COL22A1: variants seen among roughly 807,000 people sequenced by gnomAD.
COL22A1 encodes collagen alpha-1(XXII) chain.
In COL22A1, 221 loss-of-function variants were observed where a neutral mutation model predicts 248.9. The ratio of observed to expected loss-of-function variants is 0.89; its 90% CI spans 0.80 to 0.99. The LOEUF (loss-of-function observed/expected upper bound fraction) is 0.99. Among genes scored for constraint, COL22A1 ranks in the 50% least tolerant of loss-of-function variants. COL22A1 has a pLI of 0.00. For missense variants in COL22A1, 2,240 were observed against 2,179.0 expected, an observed-to-expected ratio of 1.03 and a Z score of -0.56; for synonymous variants, 891 against 793.4, an observed-to-expected ratio of 1.12 and a Z score of -2.07.
At chr8:138,786,018 C>T (rs951895434) in intron 12 of COL22A1, among the ~76,000 whole-genome samples, 2 of 152,206 alleles carry the variant, frequency 1.3e-5, no homozygotes, top group African/African-American at 4.8e-5. Flanking sequence ...CAGCTTCACA[C>T]TGTCCACCTC....
intron 5 of COL22A1, among the ~76,000 whole-genome samples, chr8:138,829,856 T>C (rs1238479690): frequency 6.6e-6 from 1 of 152,218 alleles, no homozygotes; most frequent in Non-Finnish European, 1.5e-5. Flanking sequence ...AAAGTACAGA[T>C]TTATCTGTTA....
intron 2 of COL22A1, 145 bp from the exon 3 acceptor site, chr8:138,878,461 T>A: frequency 1.6e-6 from 1 of 644,300 alleles, no homozygotes; most frequent in Non-Finnish European, 2.5e-6. Context: ...CTGGGCTGCC[T>A]GAAAGGCCTG....
chr8:138,898,941 A>G lies in COL22A1; in HGVS notation c.-73+14678T>C, dbSNP rs939050889. On this transcript the variant is annotated intron_variant, in intron 1 of 64. Transcript: ENST00000303045. ...ATCTTTAAGAAAACAAAAATACAAA[A>G]AAACCTGATACGTTGTCACAGATTA... Among the ~76,000 whole-genome samples the G allele has an allele frequency of 7.9e-5, 12 of 152,286 alleles. No individual in the cohort carries two copies. In the East Asian group the frequency reaches 1.9e-3, roughly 25 times the overall value.
chr8:138,807,592 G>C (rs1482654979), intron 10 of COL22A1, among the ~76,000 whole-genome samples, 176 bp downstream of exon 10: 1 of 152,176 alleles, frequency 6.6e-6, no homozygotes, highest in African/African-American at 2.4e-5. Flanking sequence ...GGGCAGTTAA[G>C]AGGCTCCCAG....
intron 1 of COL22A1, among the ~76,000 whole-genome samples, chr8:138,907,095 T>C (rs1563912005): frequency 6.6e-6 from 1 of 152,224 alleles, no homozygotes; most frequent in African/African-American, 2.4e-5. Flanking sequence ...GGAGGCTTTG[T>C]GGCATGTTCT....
intron 16 of COL22A1, among the ~76,000 whole-genome samples, chr8:138,769,802 G>A (rs1031584812): frequency 6.6e-6 from 1 of 152,234 alleles, no homozygotes; most frequent in Non-Finnish European, 1.5e-5. Context: ...AATTGGGGGT[G>A]AGACTTATTG....
chr8:138,723,455 C>G (rs1830057991), intron 25 of COL22A1, among the ~76,000 whole-genome samples: 1 of 152,210 alleles, frequency 6.6e-6, no homozygotes, highest in South Asian at 2.1e-4. Flanking sequence ...CCTTCTGTGG[C>G]TACAGCTGCA....
At chr8:138,742,313 A>G (rs1412706983) in intron 22 of COL22A1, among the ~76,000 whole-genome samples, 4 of 148,322 alleles carry the variant, frequency 2.7e-5, no homozygotes, top group African/African-American at 5.0e-5. Context: ...TGTGATGGTG[A>G]TGGTGGAGTT....
In COL22A1 at chr8:138,598,808, C is replaced by T. The variant is rs774930047; in HGVS notation, c.4276G>A (p.Gly1426Ser). 1 of 1,614,174 alleles carries T rather than the reference C, an allele frequency of 6.2e-7. No individual in the cohort carries two copies. The highest frequency in any genetic ancestry group is 1.7e-5 in the Admixed American group (1 of 60,026). Residue 1426 changes from glycine (G) to serine (S), a missense_variant, in exon 61 of 65, where the codon GGC becomes AGC. Physicochemically the swap from Gly to Ser is moderately conservative, Grantham distance 56. Transcript: ENST00000303045. ...GGTAGTCCTTGGGGACCCATCAGGC[C>T]TGTGTGGCCTTTGTGGCCTGGGATT... ...PGIPGHKGHT[G>S]LMGPQGLPGE...
At chr8:138,592,704 C>T (rs1406942986) in intron 63 of COL22A1, among the ~76,000 whole-genome samples, 1 of 150,566 alleles carries the variant, frequency 6.6e-6, no homozygotes, top group African/African-American at 2.5e-5. Flanking sequence ...ACACCACATG[C>T]TCCTTTCCCT....
At chr8:138,689,270 T>C (rs1826631134) in intron 36 of COL22A1, among the ~76,000 whole-genome samples, 1 of 152,108 alleles carries the variant, frequency 6.6e-6, no homozygotes. Context: ...AGGCGTGGCC[T>C]GGCACAGTGA....
chr8:138,906,232 T>C (rs1814999645), intron 1 of COL22A1, among the ~76,000 whole-genome samples: 1 of 152,076 alleles, frequency 6.6e-6, no homozygotes, highest in Non-Finnish European at 1.5e-5. Flanking sequence ...TAGCCAGGCA[T>C]GGTGGCGGGC....
At chr8:138,736,702 C>T (rs888266060) in intron 23 of COL22A1, among the ~76,000 whole-genome samples, 3 of 152,124 alleles carry the variant, frequency 2.0e-5, no homozygotes, top group Non-Finnish European at 4.4e-5. Flanking sequence ...GAGGAAGCTA[C>T]ACCAGAACTG....
At chr8:138,756,704 G>A (rs1833032687) in intron 18 of COL22A1, among the ~76,000 whole-genome samples, 1 of 152,036 alleles carries the variant, frequency 6.6e-6, no homozygotes, top group South Asian at 2.1e-4. Flanking sequence ...AAGGCTAAGG[G>A]GGAAGAGTGA....
At chr8:138,840,340 A>G (rs1820787911) in intron 4 of COL22A1, among the ~76,000 whole-genome samples, 1 of 152,122 alleles carries the variant, frequency 6.6e-6, no homozygotes, top group Non-Finnish European at 1.5e-5. Flanking sequence ...AAGGATGCCC[A>G]GCTGACATTG....
At chr8:138,726,149 T>C (rs948221787) in intron 23 of COL22A1, among the ~76,000 whole-genome samples, 1 of 151,696 alleles carries the variant, frequency 6.6e-6, no homozygotes, top group East Asian at 1.9e-4. Context: ...GCTCCTGTCT[T>C]GGTTGAGGGG....
intron 44 of COL22A1, among the ~76,000 whole-genome samples, chr8:138,657,351 C>T (rs1271572650): frequency 6.6e-6 from 1 of 152,236 alleles, no homozygotes; most frequent in Non-Finnish European, 1.5e-5. Context: ...GGAAAGGGTT[C>T]ATATGGTTCA....
At chr8:138,816,860 C>T (rs1818723598) in intron 7 of COL22A1, among the ~76,000 whole-genome samples, 1 of 152,184 alleles carries the variant, frequency 6.6e-6, no homozygotes, top group African/African-American at 2.4e-5. Context: ...TTTCTTGATA[C>T]TTGGTTTTAA....
chr8:138,891,047 G>A (rs1028965914), intron 1 of COL22A1, among the ~76,000 whole-genome samples: 14 of 152,022 alleles, frequency 9.2e-5, no homozygotes, highest in Middle Eastern at 3.4e-3. Context: ...TTGTGTTCCT[G>A]TACACCAGCA....
Sources: gnomAD v4.1 joint callset for allele counts (sites outside exome capture counted in the v4.1 genomes callset) on GRCh38, gnomAD v4.1.1 for gene constraint, MANE v1.5 for transcripts, NCBI Gene and HGNC (gene_info 2026-07-23, HGNC 2026-07-21) for gene names.